The following FFAR2 variants were observed in gnomAD, a reference collection of about 807,000 sequenced individuals.
FFAR2 encodes the protein free fatty acid receptor 2.
For synonymous variants in FFAR2, 193 were observed against 189.9 expected (o/e 1.02, Z -0.13); for missense variants, 421 against 428.9 (o/e 0.98, Z 0.16).
rs773954725 is a variant in FFAR2, at chr19:35,450,337, C to A, written c.623C>A (p.Ser208Tyr). The A allele has an allele frequency of 5.0e-6, 8 of 1,614,184 alleles. No individual in the cohort carries two copies. The Admixed American group carries it at 1.2e-4, about 24-fold the overall frequency. The change falls in exon 2 of 2, where the codon TCC becomes TAC. Residue 208 changes from serine (S) to tyrosine (Y), a missense_variant. Physicochemically the swap from Ser to Tyr is moderately radical, Grantham distance 144. Transcript: ENST00000599180. ...TGGCGTTTTGTGTGGATCATGCTCT[C>A]CCAGCCCCTTGTGGGGGCCCAGAGG... is the stretch of plus-strand genomic sequence containing the variant. ...CYWRFVWIMLSQPLVGAQRRR... is the reference protein window; with the variant it reads ...CYWRFVWIMLYQPLVGAQRRR...
rs201383852 is a variant in FFAR2, at chr19:35,450,222, G to A, written c.508G>A (p.Asp170Asn). The change falls in exon 2 of 2, where the codon GAT (aspartate) becomes AAT (asparagine). Residue 170 changes from aspartate to asparagine, a missense_variant. Coordinates refer to ENST00000599180, the MANE Select transcript of FFAR2 (RefSeq NM_001370087.1). The part of the protein sequence containing the change: ...NEITCYENFT[D>N]NQLDVVLPVR... ...AATTACCTGCTACGAGAACTTCACCGATAACCAGTTGGACGTGGTGCTGCC... is the reference window on the plus strand; with the variant it reads ...AATTACCTGCTACGAGAACTTCACCAATAACCAGTTGGACGTGGTGCTGCC... 55 of 1,614,144 alleles carry A rather than the reference G, an allele frequency of 3.4e-5. No individual in the cohort carries two copies. Among genetic ancestry groups the A allele is most frequent in the East Asian group, 1.8e-4 (8 of 44,886 alleles).
Position 35,451,103 on chromosome 19 carries a change from A to C in FFAR2, c.*396A>C. On this transcript the variant is annotated 3_prime_UTR_variant, in exon 2 of 2. Coordinates refer to ENST00000599180, the MANE Select transcript of FFAR2 (RefSeq NM_001370087.1). ...GCTGGGCATGGTGGCACATGCCTAT[A>C]ATCCCAGCTACTCTGGAGGCTGAGG... 5.5e-6 allele frequency: 1 copy of C among 181,698 alleles called. No individual in the cohort carries two copies. Among genetic ancestry groups the C allele is most frequent in the Non-Finnish European group, 1.2e-5 (1 of 84,278 alleles). The allele number at this position is 181,698 out of a possible 1,614,324, so 11.3% of individuals were successfully genotyped here.
rs141194060 is a variant in FFAR2 at position 35,450,631 on chromosome 19, C to A, written c.917C>A (p.Thr306Lys). 1.2e-6 allele frequency: 2 copies of A among 1,614,180 alleles called. No individual in the cohort carries two copies. The highest frequency in any genetic ancestry group is 3.3e-5 in the Admixed American group (2 of 60,024). ...SSLLGRRGKD[T>K]AEGTNEDRGV... is the part of the protein sequence containing the mutation. ...CTGTTGGGACGCAGAGGCAAAGACA[C>A]AGCAGAGGGGACAAATGAGGACAGG... is the stretch of plus-strand genomic sequence containing the variant. The change falls in exon 2 of 2, where the codon ACA (threonine) becomes AAA (lysine). Residue 306 changes from threonine to lysine, a missense_variant. Thr to Lys is a moderately conservative substitution (Grantham distance 78). Coordinates refer to ENST00000599180, the MANE Select transcript of FFAR2 (RefSeq NM_001370087.1).
chr19:35,450,604 C>A lies in FFAR2; in HGVS notation c.890C>A (p.Ser297Tyr), dbSNP rs1216286208. The A allele has an allele frequency of 1.2e-6, 2 of 1,614,082 alleles. No individual in the cohort carries two copies. The highest frequency in any genetic ancestry group is 2.7e-5 in the African/African-American group (2 of 74,934). Residue 297 changes from serine (S) to tyrosine (Y), a missense_variant, in exon 2 of 2, where the codon TCC becomes TAC. By Grantham distance (144) the Ser-to-Tyr change is moderately radical (BLOSUM62 -2). Coordinates refer to ENST00000599180, the MANE Select transcript of FFAR2 (RefSeq NM_001370087.1). The stretch of plus-strand genomic sequence containing the variant: ...CAGGTGCTGCGGAATCAGGGCTCCT[C>A]CCTGTTGGGACGCAGAGGCAAAGAC... ...GLQVLRNQGS[S>Y]LLGRRGKDTA...
Position 35,450,656 on chromosome 19 carries a change from G to A in FFAR2, c.942G>A (p.Arg314=), listed in dbSNP as rs1457414892. Residue 314 remains arginine (R), a synonymous_variant, in exon 2 of 2, where the codon AGG becomes AGA. Coordinates refer to ENST00000599180, the MANE Select transcript of FFAR2 (RefSeq NM_001370087.1). The part of the protein sequence containing the change: ...KDTAEGTNED[R]GVGQGEGMPS... ...CAGCAGAGGGGACAAATGAGGACAG[G>A]GGTGTGGGTCAAGGAGAAGGGATGC... is the stretch of plus-strand genomic sequence containing the variant. 5 of 1,614,080 alleles carry A rather than the reference G, an allele frequency of 3.1e-6. No homozygotes were observed. The highest frequency in any genetic ancestry group is 3.4e-6 in the Non-Finnish European group (4 of 1,180,032).
chr19:35,449,810 T>C lies in FFAR2; in HGVS notation c.96T>C (p.Phe32=). ...CCAACCTCCTGGCCCTGCGGGCCTT[T>C]GTGGGGCGGATCCGCCAGCCCCAGC... ...LPANLLALRA[F]VGRIRQPQPA... Residue 32 remains phenylalanine (F), a synonymous_variant, in exon 2 of 2, where the codon TTT becomes TTC. Coordinates refer to ENST00000599180, the MANE Select transcript of FFAR2 (RefSeq NM_001370087.1). 6.2e-7 allele frequency: 1 copy of C among 1,613,668 alleles called. No individual in the cohort carries two copies. Among genetic ancestry groups the C allele is most frequent in the African/African-American group, 1.3e-5 (1 of 75,066 alleles).
rs748336663 is a variant in FFAR2 at position 35,449,953 on chromosome 19, T to C, written c.239T>C (p.Val80Ala). Residue 80 changes from valine (V) to alanine (A), a missense_variant, in exon 2 of 2, where the codon GTC becomes GCC. Coordinates refer to ENST00000599180, the MANE Select transcript of FFAR2 (RefSeq NM_001370087.1). ...ASNFRWYLPK[V>A]VCALTSFGFY... is the part of the protein sequence containing the mutation. The stretch of plus-strand genomic sequence containing the variant: ...AACTTCCGCTGGTACCTGCCCAAGG[T>C]CGTCTGCGCCCTCACGAGTTTTGGC... 5 of 1,613,752 alleles carry C rather than the reference T, an allele frequency of 3.1e-6. No individual in the cohort carries two copies.
chr19:35,448,632 C>T (rs12971516), intron 1 of FFAR2, among the ~76,000 whole-genome samples: 41,407 of 151,814 alleles, frequency 0.27, 6,075 homozygotes, highest in African/African-American at 0.36. Flanking sequence ...GTGAAGAAGA[C>T]GAGTTCTATT....
In FFAR2 at chr19:35,451,729, G is replaced by A. The variant is rs1302192389; in HGVS notation, c.*1022G>A. Reference sequence around the variant, plus strand: ...TCCCTCATACAGGGGAAAGCAACCTGGTCTAGCAAATTGAAAATAAAGATG... The same window carrying A: ...TCCCTCATACAGGGGAAAGCAACCTAGTCTAGCAAATTGAAAATAAAGATG... On this transcript the variant is annotated 3_prime_UTR_variant, in exon 2 of 2. Transcript: ENST00000599180. 1 of 152,122 alleles carries A rather than the reference G, an allele frequency of 6.6e-6. No homozygotes were observed. The highest frequency in any genetic ancestry group is 2.4e-5 in the African/African-American group (1 of 41,410). 9.4% of individuals were successfully genotyped at this position (152,122 alleles called of 1,614,324 possible).
rs532194394 is a variant in FFAR2 at position 35,448,833 on chromosome 19, T to C, written c.-2+454T>C. ...TTTTTTTTTTTTTAGACGGAGTTTT[T>C]GCTCTTACCGCCCAGGGTGGAGTGC... On this transcript the variant is annotated intron_variant, in intron 1 of 1. Coordinates refer to ENST00000599180, the MANE Select transcript of FFAR2 (RefSeq NM_001370087.1). Among the ~76,000 whole-genome samples, 329 of 150,266 alleles carry C rather than the reference T, an allele frequency of 2.2e-3. 1 individual carries two copies. The highest frequency in any genetic ancestry group is 3.6e-3 in the Non-Finnish European group (241 of 67,632).
intron 1 of FFAR2, 49 bp from the exon 2 acceptor site, chr19:35,449,665 G>A: frequency 6.6e-7 from 1 of 1,518,784 alleles, no homozygotes; most frequent in Non-Finnish European, 8.8e-7. Context: ...TGGCTGCGCG[G>A]GCTGTGAGTG....
Position 35,450,943 on chromosome 19 carries a change from CGG to C in FFAR2, c.*238_*239del. 1 of 471,648 alleles carries C rather than the reference CGG, an allele frequency of 2.1e-6. No homozygotes were observed. The highest frequency in any genetic ancestry group is 3.8e-6 in the Non-Finnish European group (1 of 264,288). 29.2% of individuals were successfully genotyped at this position (471,648 alleles called of 1,614,324 possible). A position where few individuals can be genotyped will look rare whatever the true frequency, so the allele number is the denominator to read the frequency against. ...AGTAGTTAGGTATAGAAGCACCTGC[CGG>C]GTGTGGTGGCTCATGCCTATAATCC... On this transcript the variant is annotated 3_prime_UTR_variant, in exon 2 of 2. Transcript: ENST00000599180.
In FFAR2 at chr19:35,449,731, A is replaced by G. The variant is rs746723631; in HGVS notation, c.17A>G (p.Lys6Arg). The G allele has an allele frequency of 8.4e-6, 13 of 1,555,440 alleles. No individual in the cohort carries two copies. Among genetic ancestry groups the G allele is most frequent in the Non-Finnish European group, 1.1e-5 (13 of 1,150,872 alleles). Residue 6 changes from lysine to arginine, a missense_variant, in exon 2 of 2, where the codon AAG (lysine) becomes AGG (arginine). Coordinates refer to ENST00000599180, the MANE Select transcript of FFAR2 (RefSeq NM_001370087.1). Reference sequence around the variant, plus strand: ...CCCTCCAGGATGCTGCCGGACTGGAAGAGCTCCTTGATCCTCATGGCTTAC... The same window carrying G: ...CCCTCCAGGATGCTGCCGGACTGGAGGAGCTCCTTGATCCTCATGGCTTAC... MLPDW[K>R]SSLILMAYII... is the part of the protein sequence containing the mutation.
In FFAR2 at chr19:35,451,093, A is replaced by T. The variant is rs898199906; in HGVS notation, c.*386A>T. 1.6e-5 allele frequency: 3 copies of T among 189,244 alleles called. No homozygotes were observed. In the Admixed American group the frequency reaches 1.6e-4, roughly 10 times the overall value. 11.7% of individuals were successfully genotyped at this position (189,244 alleles called of 1,614,324 possible). Reference sequence around the variant, plus strand: ...AAAAAAATTAGCTGGGCATGGTGGCACATGCCTATAATCCCAGCTACTCTG... The same window carrying T: ...AAAAAAATTAGCTGGGCATGGTGGCTCATGCCTATAATCCCAGCTACTCTG... On this transcript the variant is annotated 3_prime_UTR_variant, in exon 2 of 2. Coordinates refer to ENST00000599180, the MANE Select transcript of FFAR2 (RefSeq NM_001370087.1).
chr19:35,450,387 G>A lies in FFAR2; in HGVS notation c.673G>A (p.Val225Met). ...GCGGCGCCGAGCCGTGGGGCTGGCT[G>A]TGGTGACGCTGCTCAATTTCCTGGT... ...QRRRRAVGLAVVTLLNFLVCF... is the reference protein window; with the variant it reads ...QRRRRAVGLAMVTLLNFLVCF... Residue 225 changes from valine to methionine, a missense_variant, in exon 2 of 2, where the codon GTG becomes ATG. Coordinates refer to ENST00000599180, the MANE Select transcript of FFAR2 (RefSeq NM_001370087.1). 1 of 1,614,262 alleles carries A rather than the reference G, an allele frequency of 6.2e-7. No individual in the cohort carries two copies. Among genetic ancestry groups the A allele is most frequent in the Non-Finnish European group, 8.5e-7 (1 of 1,180,054 alleles).
rs1292986148 is a variant in FFAR2 at position 35,450,573 on chromosome 19, G to C, written c.859G>C (p.Gly287Arg). 6.2e-7 allele frequency: 1 copy of C among 1,614,242 alleles called. No individual in the cohort carries two copies. The highest frequency in any genetic ancestry group is 8.5e-7 in the Non-Finnish European group (1 of 1,180,050). The change falls in exon 2 of 2, where the codon GGG becomes CGG. Residue 287 changes from glycine to arginine, a missense_variant. Physicochemically the swap from Gly to Arg is moderately radical, Grantham distance 125. Transcript: ENST00000599180. ...AGTGGTGCGCAGGGCATTTGGGAGAGGGCTGCAGGTGCTGCGGAATCAGGG... is the reference window on the plus strand; with the variant it reads ...AGTGGTGCGCAGGGCATTTGGGAGACGGCTGCAGGTGCTGCGGAATCAGGG... ...SSVVRRAFGR[G>R]LQVLRNQGSS... is the part of the protein sequence containing the mutation.
Position 35,451,329 on chromosome 19 carries a change from A to C in FFAR2, c.*622A>C, listed in dbSNP as rs1211214393. The C allele has an allele frequency of 6.6e-6, 1 of 152,292 alleles. No individual in the cohort carries two copies. Among genetic ancestry groups the C allele is most frequent in the African/African-American group, 2.4e-5 (1 of 41,430 alleles). 9.4% of individuals were successfully genotyped at this position (152,292 alleles called of 1,614,324 possible). A position where few individuals can be genotyped will look rare whatever the true frequency, so the allele number is the denominator to read the frequency against. On this transcript the variant is annotated 3_prime_UTR_variant, in exon 2 of 2. Transcript: ENST00000599180. ...CTGGTAGTTGGGGATGGCCAGGCTG[A>C]AGCAGAGAGTCCTAGAGAAATCTCG...
At position 35,450,640 on chromosome 19, in the gene FFAR2, G is replaced by A. The variant is rs1164201245; in HGVS notation, c.926G>A (p.Gly309Glu). Reference protein sequence around the residue: ...LGRRGKDTAEGTNEDRGVGQG... With the variant: ...LGRRGKDTAEETNEDRGVGQG... ...CGCAGAGGCAAAGACACAGCAGAGG[G>A]GACAAATGAGGACAGGGGTGTGGGT... The change falls in exon 2 of 2, where the codon GGG (glycine) becomes GAG (glutamate). Residue 309 changes from glycine (G) to glutamate (E), a missense_variant. Gly to Glu is a moderately conservative substitution (Grantham distance 98). Transcript: ENST00000599180. The A allele has an allele frequency of 6.2e-7, 1 of 1,614,168 alleles. No individual in the cohort carries two copies. The highest frequency in any genetic ancestry group is 2.2e-5 in the East Asian group (1 of 44,880).
chr19:35,451,055 C>T lies in FFAR2; in HGVS notation c.*348C>T, dbSNP rs60261537. Reference sequence around the variant, plus strand: ...TGGTCAACATGGGAAAACCCCGTCTCTACTAAAAATACAAAAAAATTAGCT... The same window carrying T: ...TGGTCAACATGGGAAAACCCCGTCTTTACTAAAAATACAAAAAAATTAGCT... On this transcript the variant is annotated 3_prime_UTR_variant, in exon 2 of 2. Coordinates refer to ENST00000599180, the MANE Select transcript of FFAR2 (RefSeq NM_001370087.1). 4 of 206,380 alleles carry T rather than the reference C, an allele frequency of 1.9e-5. No homozygotes were observed. In the South Asian group the frequency reaches 3.2e-4, roughly 17 times the overall value. The allele number at this position is 206,380 out of a possible 1,614,324, so 12.8% of individuals were successfully genotyped here. A position where few individuals can be genotyped will look rare whatever the true frequency, so the allele number is the denominator to read the frequency against.
Sources: allele counts gnomAD v4.1 joint callset (sites outside exome capture counted in the v4.1 genomes callset), GRCh38; gene constraint gnomAD v4.1.1; transcripts MANE v1.5; gene names NCBI Gene and HGNC (gene_info 2026-07-23, HGNC 2026-07-21).